FAM47E: variants seen among roughly 807,000 people sequenced by gnomAD.
The protein encoded by FAM47E is family with sequence similarity 47 member E.
A neutral mutation model predicts 41.6 loss-of-function variants in FAM47E; 32 were observed. That is an observed-to-expected ratio of 0.77 (90% CI 0.58 to 1.03). The LOEUF (loss-of-function observed/expected upper bound fraction) is 1.03. Among genes scored for constraint, FAM47E ranks in the 50% least tolerant of loss-of-function variants. FAM47E has a pLI of 0.00. For synonymous variants in FAM47E, 184 were observed against 188.7 expected, an observed-to-expected ratio of 0.98 and a Z score of 0.20; for missense variants, 424 against 485.4, an observed-to-expected ratio of 0.87 and a Z score of 1.19.
intron 5 of FAM47E, among the ~76,000 whole-genome samples, chr4:76,273,711 T>A (rs1560751390): frequency 6.6e-6 from 1 of 152,114 alleles, no homozygotes; most frequent in South Asian, 2.1e-4. Context: ...AAACTTTTTT[T>A]TTGTTGTTTT....
intron 1 of FAM47E, among the ~76,000 whole-genome samples, chr4:76,214,832 G>A (rs573068057): frequency 6.6e-6 from 1 of 152,346 alleles, no homozygotes; most frequent in African/African-American, 2.4e-5. Context: ...GTCCCAGATG[G>A]GGGTACTATG....
chr4:76,267,089 CTG>C (rs1433650221), intron 3 of FAM47E, among the ~76,000 whole-genome samples: 1 of 152,192 alleles, frequency 6.6e-6, no homozygotes, highest in Non-Finnish European at 1.5e-5. Context: ...TGTTTACTAT[CTG>C]TCTCTCCTAT....
At chr4:76,279,680 G>A (rs1160991322) in intron 6 of FAM47E, 3 of 152,158 alleles carry the variant, frequency 2.0e-5, no homozygotes, top group South Asian at 2.1e-4. Flanking sequence ...TTTACAAGAC[G>A]CAGGCACTGT....
At chr4:76,218,004 A>C (rs888629994) in intron 2 of FAM47E, among the ~76,000 whole-genome samples, 3 of 152,252 alleles carry the variant, frequency 2.0e-5, no homozygotes, top group Non-Finnish European at 4.4e-5. Context: ...TTTATGTTCA[A>C]AGTGTTAATG....
upstream of FAM47E, among the ~76,000 whole-genome samples, chr4:76,251,003 C>T (rs1733947019): frequency 6.6e-6 from 1 of 152,114 alleles, no homozygotes; most frequent in African/African-American, 2.4e-5. Flanking sequence ...AATGTAAGTA[C>T]CCTGCCCCCA....
chr4:76,266,325 T>C (rs186006511), intron 3 of FAM47E, among the ~76,000 whole-genome samples: 1 of 152,364 alleles, frequency 6.6e-6, no homozygotes, highest in Admixed American at 6.5e-5. Flanking sequence ...ATAATTGGCA[T>C]CTCAGACTAG....
At chr4:76,241,859 G>A (rs1733718935) in intron 2 of FAM47E, among the ~76,000 whole-genome samples, 1 of 152,076 alleles carries the variant, frequency 6.6e-6, no homozygotes, top group Non-Finnish European at 1.5e-5. Flanking sequence ...TTGTTCATTA[G>A]TACAAAAATC....
chr4:76,280,448 G>T, intron 7 of FAM47E, 107 bp downstream of exon 7: 1 of 616,732 alleles, frequency 1.6e-6, no homozygotes, highest in Non-Finnish European at 2.8e-6. Context: ...TCTCTTACAG[G>T]CACATACCAA....
intron 5 of FAM47E, among the ~76,000 whole-genome samples, chr4:76,277,611 A>C (rs1735182863): frequency 6.6e-6 from 1 of 152,134 alleles, no homozygotes. Context: ...CTATTTAATA[A>C]CTTACTATTT....
intron 2 of FAM47E, among the ~76,000 whole-genome samples, chr4:76,263,030 G>A (rs1207118234): frequency 2.0e-5 from 3 of 151,984 alleles, no homozygotes; most frequent in Non-Finnish European, 4.4e-5. Flanking sequence ...GCTTCCCAAA[G>A]CACTGAGATT....
intron 5 of FAM47E, among the ~76,000 whole-genome samples, chr4:76,273,600 A>G (rs934905488): frequency 1.3e-5 from 2 of 151,934 alleles, no homozygotes; most frequent in Admixed American, 6.6e-5. Flanking sequence ...ACCTTGGTGT[A>G]TCTTTCTTCA....
chr4:76,257,852 G>A (rs1253750526), intron 2 of FAM47E, among the ~76,000 whole-genome samples: 1 of 152,076 alleles, frequency 6.6e-6, no homozygotes, highest in African/African-American at 2.4e-5. Context: ...GCTTATAAGG[G>A]CAGGGACTTT....
rs767418484 is a variant in FAM47E, at chr4:76,280,227, G to A, written c.1027-37G>A. 71 of 1,273,776 alleles carry A rather than the reference G, an allele frequency of 5.6e-5. 1 individual carries two copies. In the Middle Eastern group the frequency reaches 1.1e-3, roughly 20 times the overall value. 78.9% of individuals were successfully genotyped at this position (1,273,776 alleles called of 1,614,324 possible). ...ACAAATATGAAATCAAGCTTCTGAT[G>A]GCTGACCCCTTTCTTCAAATGTGGG... On this transcript the variant is annotated intron_variant, in intron 6 of 7. Transcript: ENST00000424749.
intron 2 of FAM47E, among the ~76,000 whole-genome samples, chr4:76,241,372 T>A (rs1419101353): frequency 1.3e-5 from 2 of 152,030 alleles, no homozygotes; most frequent in Non-Finnish European, 2.9e-5. Context: ...GGGGGGAAGG[T>A]GCAACAACAA....
chr4:76,223,145 C>T (rs988433862), intron 2 of FAM47E, among the ~76,000 whole-genome samples: 1 of 152,170 alleles, frequency 6.6e-6, no homozygotes, highest in Non-Finnish European at 1.5e-5. Context: ...GTTTGTACAC[C>T]ATTCAGTAAA....
intron 5 of FAM47E, among the ~76,000 whole-genome samples, chr4:76,273,786 C>T (rs1578799349): frequency 2.0e-5 from 3 of 152,074 alleles, no homozygotes. Context: ...TACAGCTCAC[C>T]ACTGCTCTGG....
chr4:76,244,979 G>C (rs1261140265), intron 2 of FAM47E, among the ~76,000 whole-genome samples: 1 of 152,148 alleles, frequency 6.6e-6, no homozygotes, highest in South Asian at 2.1e-4. Context: ...ATTTTTAAAA[G>C]TCTAATCATG....
intron 1 of FAM47E, among the ~76,000 whole-genome samples, chr4:76,216,769 T>A (rs764725132): frequency 6.6e-6 from 1 of 152,252 alleles, no homozygotes; most frequent in Non-Finnish European, 1.5e-5. Context: ...TCTTTCTTGG[T>A]TCTTCTTAAC....
rs550199186 is a variant in FAM47E, at chr4:76,245,435, G to T, written c.82-18269G>T. Among the ~76,000 whole-genome samples the T allele has an allele frequency of 7.2e-5, 11 of 152,236 alleles. No homozygotes were observed. In the South Asian group the frequency reaches 2.3e-3, roughly 32 times the overall value. The stretch of plus-strand genomic sequence containing the variant: ...AAAAGCCGGAATCATAGCACCTGGT[G>T]GGAGCTCCAAGAGAAGGAAGAAATA... On this transcript the variant is annotated intron_variant, in intron 2 of 7. Coordinates refer to the FAM47E transcript ENST00000510197.
Sources: gnomAD v4.1 joint callset for allele counts (sites outside exome capture counted in the v4.1 genomes callset) on GRCh38, gnomAD v4.1.1 for gene constraint, MANE v1.5 for transcripts, NCBI Gene and HGNC (gene_info 2026-07-23, HGNC 2026-07-21) for gene names.